The following SCGB2B2 variants were observed in gnomAD, a reference collection of about 807,000 sequenced individuals.
SCGB2B2 encodes the protein secretoglobin family 2B member 2.
In SCGB2B2, 11 loss-of-function variants were observed where a neutral mutation model predicts 7.6. The observed-to-expected ratio is 1.45, with a 90% CI of 0.91 to 2.40. The LOEUF (loss-of-function observed/expected upper bound fraction) is 2.40. Ranked by LOEUF, SCGB2B2 falls within the 30% of genes most tolerant of loss-of-function variation. The pLI, the probability that SCGB2B2 is intolerant of heterozygous loss-of-function variation, is 0.00. For missense variants in SCGB2B2, 104 were observed against 115.4 expected (o/e 0.90, Z 0.45); for synonymous variants, 50 against 48.6 (o/e 1.03, Z -0.12).
At chr19:34,655,407 T>C (rs2067256464) in intron 1 of SCGB2B2, among the ~76,000 whole-genome samples, 1 of 151,302 alleles carries the variant, frequency 6.6e-6, no homozygotes, top group South Asian at 2.1e-4. Flanking sequence ...CATTCCTTTT[T>C]ATTGACAATA....
intron 1 of SCGB2B2, among the ~76,000 whole-genome samples, chr19:34,604,722 C>A (rs1023738877): frequency 6.6e-6 from 1 of 151,730 alleles, no homozygotes; most frequent in Non-Finnish European, 1.5e-5. Flanking sequence ...CTACTTTATA[C>A]TCTAATACAT....
At chr19:34,637,495 A>T (rs530404871) in intron 1 of SCGB2B2, among the ~76,000 whole-genome samples, 1 of 152,256 alleles carries the variant, frequency 6.6e-6, no homozygotes, top group East Asian at 1.9e-4. Flanking sequence ...CACAAGTGCA[A>T]AGTTCTCCAG....
At chr19:34,667,615 C>T (rs1345843250) in intron 1 of SCGB2B2, among the ~76,000 whole-genome samples, 1 of 152,224 alleles carries the variant, frequency 6.6e-6, no homozygotes, top group East Asian at 1.9e-4. Flanking sequence ...AGCCCTTATG[C>T]TTGGGCCTGC....
intron 1 of SCGB2B2, among the ~76,000 whole-genome samples, chr19:34,663,409 T>C (rs1027243643): frequency 2.6e-5 from 4 of 152,218 alleles, no homozygotes; most frequent in African/African-American, 9.7e-5. Context: ...CAATGTGGAT[T>C]GATAGCAACA....
intron 1 of SCGB2B2, among the ~76,000 whole-genome samples, chr19:34,650,808 A>C (rs927376977): frequency 5.3e-5 from 8 of 151,382 alleles, no homozygotes; most frequent in African/African-American, 4.9e-5. Flanking sequence ...AACAACAGAA[A>C]ACTATAGGCC....
intron 1 of SCGB2B2, chr19:34,637,606 TA>T (rs549736427): frequency 5.9e-4 from 94 of 158,456 alleles, no homozygotes; most frequent in South Asian, 6.2e-4. Context: ...GGCAAAATCA[TA>T]AAAAAAAAAT....
At chr19:34,609,218 A>G (rs1378808560) in intron 1 of SCGB2B2, among the ~76,000 whole-genome samples, 2 of 152,056 alleles carry the variant, frequency 1.3e-5, no homozygotes, top group African/African-American at 4.8e-5. Flanking sequence ...TATATTCTGG[A>G]TATGAATCCT....
chr19:34,607,416 G>A (rs189959858), intron 1 of SCGB2B2, among the ~76,000 whole-genome samples: 1 of 152,230 alleles, frequency 6.6e-6, no homozygotes, highest in Admixed American at 6.5e-5. Context: ...ATGCTTCAAT[G>A]AACCTAGGGG....
rs71351779 is a variant in SCGB2B2, at chr19:34,594,492, C to T, written c.61+11G>A. 1.2e-6 allele frequency: 2 copies of T among 1,613,874 alleles called. No individual in the cohort carries two copies. The highest frequency in any genetic ancestry group is 1.7e-6 in the Non-Finnish European group (2 of 1,179,840). The stretch of plus-strand genomic sequence containing the variant: ...ACCGCTTCCTCCCAGCCCTGCTCGC[C>T]TCTTTCTTACCCAGCTGGACGCTGC... On this transcript the variant is annotated intron_variant, in intron 2 of 3. Transcript: ENST00000601241.
chr19:34,612,610 G>A (rs890334780), intron 1 of SCGB2B2, among the ~76,000 whole-genome samples: 1 of 152,086 alleles, frequency 6.6e-6, no homozygotes, highest in African/African-American at 2.4e-5. Context: ...ATGGTCTTAT[G>A]AAAGGAATTT....
intron 1 of SCGB2B2, chr19:34,646,953 C>T (rs1267940688): frequency 6.6e-6 from 1 of 152,392 alleles, no homozygotes; most frequent in Non-Finnish European, 1.5e-5. Context: ...TCAACCCTAA[C>T]ACAATCCTCC....
intron 1 of SCGB2B2, among the ~76,000 whole-genome samples, chr19:34,658,807 CAACAACAAAAA>C (rs1191434605): frequency 1.2e-3 from 76 of 61,162 alleles, no homozygotes; most frequent in African/African-American, 3.3e-3. Context: ...ACAACAACAA[CAACAACAAAAA>C]AAAAAAAAAA....
intron 1 of SCGB2B2, among the ~76,000 whole-genome samples, chr19:34,608,280 T>A (rs1568430682): frequency 6.6e-6 from 1 of 152,124 alleles, no homozygotes; most frequent in African/African-American, 2.4e-5. Context: ...TGTATATAAA[T>A]GTCTCCAACT....
chr19:34,649,621 G>T (rs2067111527), intron 1 of SCGB2B2, among the ~76,000 whole-genome samples: 1 of 152,130 alleles, frequency 6.6e-6, no homozygotes, highest in African/African-American at 2.4e-5. Flanking sequence ...GGCAGAGATG[G>T]GTGAATCATT....
chr19:34,669,072 A>G (rs1435580674), intron 1 of SCGB2B2, among the ~76,000 whole-genome samples: 1 of 152,152 alleles, frequency 6.6e-6, no homozygotes, highest in Admixed American at 6.5e-5. Flanking sequence ...TCACCATGAA[A>G]GTCTGCAGCT....
At chr19:34,640,681 T>C (rs943141652) in intron 1 of SCGB2B2, 5 of 152,226 alleles carry the variant, frequency 3.3e-5, no homozygotes, top group African/African-American at 1.2e-4. Context: ...ACATTCACGA[T>C]GTTGTGCCAC....
At chr19:34,601,240 A>T (rs2065615449) in intron 1 of SCGB2B2, among the ~76,000 whole-genome samples, 1 of 152,182 alleles carries the variant, frequency 6.6e-6, no homozygotes, top group South Asian at 2.1e-4. Context: ...TTGTCTCACT[A>T]GTCTGTTTGT....
At chr19:34,598,410 C>T (rs1468206769) in intron 1 of SCGB2B2, among the ~76,000 whole-genome samples, 2 of 152,200 alleles carry the variant, frequency 1.3e-5, no homozygotes, top group Admixed American at 6.5e-5. Flanking sequence ...CATGCCCTGG[C>T]GTCCTTGGGG....
chr19:34,634,804 T>C (rs557696194), intron 1 of SCGB2B2: 94 of 219,798 alleles, frequency 4.3e-4, no homozygotes, highest in Admixed American at 1.1e-3. Context: ...TGAACAAGTA[T>C]AGATTTAACG....
Sources: allele counts gnomAD v4.1 joint callset (sites outside exome capture counted in the v4.1 genomes callset), GRCh38; gene constraint gnomAD v4.1.1; transcripts MANE v1.5; gene names NCBI Gene and HGNC (gene_info 2026-07-23, HGNC 2026-07-21).